The following NCKAP5 variants were observed in gnomAD, a reference collection of about 807,000 sequenced individuals.
The protein encoded by NCKAP5 is nck-associated protein 5.
Under a neutral mutation model 167.0 loss-of-function variants are expected in NCKAP5, and 92 were observed. The observed-to-expected ratio is 0.55, with a 90% CI of 0.47 to 0.66. The LOEUF (loss-of-function observed/expected upper bound fraction) is 0.66, where lower values mean the gene tolerates loss of function less well. Among genes scored for constraint, NCKAP5 ranks in the 30% least tolerant of loss-of-function variants. The probability of loss-of-function intolerance (pLI) is 0.00; values close to 1 mark genes in which losing one functional copy is unlikely to be tolerated. For synonymous variants in NCKAP5, 891 were observed against 877.4 expected, an observed-to-expected ratio of 1.02 and a Z score of -0.27; for missense variants, 2,378 against 2,315.0, an observed-to-expected ratio of 1.03 and a Z score of -0.56.
intron 11 of NCKAP5, among the ~76,000 whole-genome samples, chr2:132,848,506 G>A (rs1351267839): frequency 6.6e-6 from 1 of 152,160 alleles, no homozygotes; most frequent in Non-Finnish European, 1.5e-5. Context: ...GAACACATCT[G>A]TATGCATCTC....
intron 8 of NCKAP5, among the ~76,000 whole-genome samples, chr2:132,939,065 A>G (rs1300295668): frequency 6.6e-6 from 1 of 152,236 alleles, no homozygotes; most frequent in East Asian, 1.9e-4. Context: ...TCTTCCAACA[A>G]GTAATAAAGT....
chr2:132,865,418 G>T (rs1319417379), intron 10 of NCKAP5, among the ~76,000 whole-genome samples: 1 of 152,214 alleles, frequency 6.6e-6, no homozygotes, highest in East Asian at 1.9e-4. Flanking sequence ...ACTCACCAAG[G>T]CTCCTGGAAA....
chr2:133,349,033 T>C (rs775131911), intron 3 of NCKAP5, among the ~76,000 whole-genome samples: 93 of 152,206 alleles, frequency 6.1e-4, no homozygotes, highest in Non-Finnish European at 2.1e-4. Context: ...AAAAGCAGCT[T>C]ACTTTGAGCA....
At chr2:133,600,207 C>T in the NCKAP5 span, among the ~76,000 whole-genome samples, 13 of 152,314 alleles carry the variant, frequency 8.5e-5, no homozygotes, top group African/African-American at 2.6e-4. Context: ...AATTCAGCTC[C>T]TGGAATCAGT....
At chr2:133,050,492 C>T (rs1234521225) in intron 6 of NCKAP5, among the ~76,000 whole-genome samples, 1 of 152,158 alleles carries the variant, frequency 6.6e-6, no homozygotes, top group South Asian at 2.1e-4. Context: ...ATAAAGTAAT[C>T]TTTCCTGTTT....
At chr2:132,794,245 TATATATATATATATATATAG>T (rs1214796575) in intron 12 of NCKAP5, among the ~76,000 whole-genome samples, 10 of 59,910 alleles carry the variant, frequency 1.7e-4, no homozygotes, top group African/African-American at 5.5e-4. Context: ...TATATATATA[TATATATATATATATATATAG>T]AGAGAGAGAG....
intron 3 of NCKAP5, among the ~76,000 whole-genome samples, chr2:133,305,111 G>A (rs966376422): frequency 1.3e-5 from 2 of 152,202 alleles, no homozygotes; most frequent in Non-Finnish European, 2.9e-5. Flanking sequence ...CAGGGACTCA[G>A]GGATACTGGG....
At chr2:132,868,589 T>C (rs1441003264) in intron 10 of NCKAP5, among the ~76,000 whole-genome samples, 1 of 152,160 alleles carries the variant, frequency 6.6e-6, no homozygotes, top group East Asian at 1.9e-4. Flanking sequence ...CTTTTGTTAA[T>C]GCTGTCCAAA....
At chr2:133,468,477 T>C (rs1003751169) in intron 3 of NCKAP5, among the ~76,000 whole-genome samples, 1 of 151,176 alleles carries the variant, frequency 6.6e-6, no homozygotes, top group African/African-American at 2.4e-5. Context: ...CTGAAAAAAA[T>C]GTATATTCTG....
intron 3 of NCKAP5, among the ~76,000 whole-genome samples, chr2:133,488,282 A>G (rs1681089886): frequency 6.6e-6 from 1 of 152,056 alleles, no homozygotes; most frequent in African/African-American, 2.4e-5. Flanking sequence ...ATCATCTTTG[A>G]TGAAAAGCAA....
chr2:133,422,535 C>G (rs1689547480), intron 3 of NCKAP5, among the ~76,000 whole-genome samples: 2 of 152,030 alleles, frequency 1.3e-5, no homozygotes, highest in Non-Finnish European at 2.9e-5. Context: ...ATTTTCAGGA[C>G]CAAGAAAAGA....
At chr2:133,271,721 A>AGCTGCTTTT (rs2089519482) in intron 4 of NCKAP5, among the ~76,000 whole-genome samples, 1 of 152,214 alleles carries the variant, frequency 6.6e-6, no homozygotes, top group African/African-American at 2.4e-5. Context: ...AAGCAGCTAT[A>AGCTGCTTTT]AAAGACATTT....
At chr2:132,883,030 C>A (rs1009855400) in intron 8 of NCKAP5, among the ~76,000 whole-genome samples, 1 of 151,826 alleles carries the variant, frequency 6.6e-6, no homozygotes, top group Non-Finnish European at 1.5e-5. Flanking sequence ...TCCATCTCTA[C>A]TAAAAATAAA....
chr2:133,510,177 G>GA (rs1683362882), intron 3 of NCKAP5, among the ~76,000 whole-genome samples: 1 of 152,126 alleles, frequency 6.6e-6, no homozygotes, highest in South Asian at 2.1e-4. Flanking sequence ...CCAGCAGAGG[G>GA]AATGTGCAGC....
chr2:133,362,819 T>G (rs1296886992), intron 3 of NCKAP5, among the ~76,000 whole-genome samples: 1 of 152,178 alleles, frequency 6.6e-6, no homozygotes, highest in African/African-American at 2.4e-5. Context: ...AGTGGCGTGA[T>G]CTCAGCTCAC....
At chr2:132,785,779 G>A (rs1574210837) in intron 13 of NCKAP5, 61 bp from the exon 14 acceptor site, 4 of 1,323,188 alleles carry the variant, frequency 3.0e-6, no homozygotes, top group Non-Finnish European at 3.9e-6. Flanking sequence ...AGATATAAAA[G>A]GAAAAGTACA....
At chr2:133,656,792 C>T in the NCKAP5 span, among the ~76,000 whole-genome samples, 6 of 151,954 alleles carry the variant, frequency 3.9e-5, no homozygotes, top group African/African-American at 1.2e-4. Flanking sequence ...TTTACTTTTC[C>T]GTAAGTTATT....
chr2:133,208,171 T>G (rs1291608449), intron 5 of NCKAP5, among the ~76,000 whole-genome samples: 1 of 152,072 alleles, frequency 6.6e-6, no homozygotes, highest in Non-Finnish European at 1.5e-5. Flanking sequence ...AGACCCTGTC[T>G]CTACAAAAAT....
Position 133,129,998 on chromosome 2 carries a change from G to A in NCKAP5, c.321C>T (p.Ser107=). 1 of 1,607,538 alleles carries A rather than the reference G, an allele frequency of 6.2e-7. No homozygotes were observed. Among genetic ancestry groups the A allele is most frequent in the Non-Finnish European group, 8.5e-7 (1 of 1,177,996 alleles). ...ESERNRIQMR[S]LQQQFSRMEE... is the part of the protein sequence containing the mutation. ...AATACCTGGAGAACTGCTGCTGCAA[G>A]CTACGCATCTGAATTCTGTTGCGTT... Residue 107 remains serine (S), a synonymous_variant, in exon 6 of 20, where the codon AGC becomes AGT. Coordinates refer to ENST00000409261, the MANE Select transcript of NCKAP5 (RefSeq NM_207363.3).
Sources: allele counts gnomAD v4.1 joint callset (sites outside exome capture counted in the v4.1 genomes callset), GRCh38; gene constraint gnomAD v4.1.1; transcripts MANE v1.5; gene names NCBI Gene and HGNC (gene_info 2026-07-23, HGNC 2026-07-21).